The following NAA40 variants were observed in gnomAD, a reference collection of about 807,000 sequenced individuals.
The protein encoded by NAA40 is N-alpha-acetyltransferase 40.
NAA40 carries 26 observed loss-of-function variants against 36.6 expected under a neutral mutation model. That is an observed-to-expected ratio of 0.71 (90% confidence interval 0.52 to 0.98). NAA40 has a LOEUF of 0.98. Ranked by LOEUF, NAA40 falls within the 50% of genes least tolerant of loss-of-function variation. NAA40 has a pLI of 0.00. For synonymous variants in NAA40, 129 were observed against 108.4 expected (o/e 1.19, Z -1.18); for missense variants, 237 against 306.5 (o/e 0.77, Z 1.69).
rs186235727 is a variant in NAA40, at chr11:63,950,028, G to A, written c.156-2210G>A. ...CAAAGTGCTGGGATTACAGGTGTGAGCCACCGTGCCCAGCCAAACTTGGAA... is the reference window on the plus strand; with the variant it reads ...CAAAGTGCTGGGATTACAGGTGTGAACCACCGTGCCCAGCCAAACTTGGAA... On this transcript the variant is annotated intron_variant, in intron 3 of 7. Coordinates refer to ENST00000377793, the MANE Select transcript of NAA40 (RefSeq NM_024771.4). 1.6e-4 allele frequency among the ~76,000 whole-genome samples: 24 copies of A among 152,012 alleles called. No individual in the cohort carries two copies. The East Asian group carries it at 4.6e-3, about 29-fold the overall frequency.
chr11:63,949,565 T>A (rs903443064), intron 3 of NAA40, among the ~76,000 whole-genome samples: 1 of 152,072 alleles, frequency 6.6e-6, no homozygotes, highest in Non-Finnish European at 1.5e-5. Flanking sequence ...TTACCTGAGA[T>A]GCTGTTGATG....
intron 3 of NAA40, 133 bp downstream of exon 3, chr11:63,947,136 G>A (rs773324042): frequency 4.3e-6 from 4 of 935,392 alleles, no homozygotes; most frequent in Admixed American, 3.9e-5. Flanking sequence ...GCTGGGTGCG[G>A]TGGCTCACGC....
chr11:63,948,232 G>A (rs779877432), intron 3 of NAA40, among the ~76,000 whole-genome samples: 4 of 152,274 alleles, frequency 2.6e-5, no homozygotes, highest in Non-Finnish European at 5.9e-5. Context: ...TATCTAGGCT[G>A]ACACTCACAT....
At chr11:63,939,325 G>A in intron 1 of NAA40, 3 of 1,252,262 alleles carry the variant, frequency 2.4e-6, no homozygotes, top group Non-Finnish European at 3.0e-6. Context: ...CCCCCTCGGC[G>A]CCCCCAGCGT....
At chr11:63,945,120 G>A (rs1226705285) in intron 1 of NAA40, among the ~76,000 whole-genome samples, 2 of 152,200 alleles carry the variant, frequency 1.3e-5, no homozygotes, top group African/African-American at 4.8e-5. Context: ...ATCCCCACTT[G>A]CTGCTCCTCT....
In NAA40 at chr11:63,954,618, A is replaced by T; in HGVS notation, c.*139A>T. On this transcript the variant is annotated 3_prime_UTR_variant, in exon 8 of 8. Coordinates refer to ENST00000377793, the MANE Select transcript of NAA40 (RefSeq NM_024771.4). ...CCAGGCTGCGCCCTGAGAGCACAGA[A>T]CCCTGGGGAGAAGTGGTATCAGCTG... is the stretch of plus-strand genomic sequence containing the variant. 1.1e-6 allele frequency: 1 copy of T among 927,718 alleles called. No individual in the cohort carries two copies. The highest frequency in any genetic ancestry group is 1.5e-6 in the Non-Finnish European group (1 of 661,748). 57.5% of individuals were successfully genotyped at this position (927,718 alleles called of 1,614,324 possible).
chr11:63,953,332 A>G (rs886486539), intron 6 of NAA40, among the ~76,000 whole-genome samples: 4 of 152,158 alleles, frequency 2.6e-5, no homozygotes, highest in Non-Finnish European at 5.9e-5. Context: ...GGCATGAGCC[A>G]CCACACCTGG....
At chr11:63,940,235 G>C (rs945077148) in intron 1 of NAA40, among the ~76,000 whole-genome samples, 6 of 152,010 alleles carry the variant, frequency 3.9e-5, no homozygotes, top group Non-Finnish European at 5.9e-5. Context: ...ATTTTTAGTA[G>C]AGACAGGGTT....
Position 63,954,411 on chromosome 11 carries a change from CGG to C in NAA40, c.647_648del (p.Arg216GlnfsTer82). On this transcript the variant is annotated frameshift_variant, in exon 8 of 8. Coordinates refer to ENST00000377793, the MANE Select transcript of NAA40 (RefSeq NM_024771.4). LOFTEE classifies it high-confidence loss of function. Reference protein sequence around the residue: ...GEDCSYEILSRRTKFGDSHHS... With the variant: ...GEDCSYEILSXRTKFGDSHHS... ...GGATTGCTCCTATGAGATCCTGAGC[CGG>C]AGGACCAAGTTTGGGGACAGCCATC... 1 of 1,612,488 alleles carries C rather than the reference CGG, an allele frequency of 6.2e-7. No individual in the cohort carries two copies. The highest frequency in any genetic ancestry group is 8.5e-7 in the Non-Finnish European group (1 of 1,179,216).
At chr11:63,946,224 GAGAC>G (rs1473990230) in intron 2 of NAA40, 6 of 385,190 alleles carry the variant, frequency 1.6e-5, no homozygotes, top group Non-Finnish European at 2.4e-5. Context: ...TCTTTTGTGT[GAGAC>G]AGGGTCTCAC....
intron 1 of NAA40, among the ~76,000 whole-genome samples, chr11:63,944,902 C>CA (rs113133922): frequency 0.87 from 109,384 of 126,060 alleles, 48,508 homozygotes; most frequent in Non-Finnish European, 0.95. Context: ...GACTCCATCT[C>CA]AAAAAAAAAA....
At position 63,956,447 on chromosome 11, in the gene NAA40, A is replaced by G. The variant is rs1032072639; in HGVS notation, c.*1968A>G. On this transcript the variant is annotated 3_prime_UTR_variant, in exon 8 of 8. Transcript: ENST00000377793. ...ATCCCTTGTAAGGTGAGTTCAGTCTACGTTGTCTCTTTCCAGTCACTGGAT... is the reference window on the plus strand; with the variant it reads ...ATCCCTTGTAAGGTGAGTTCAGTCTGCGTTGTCTCTTTCCAGTCACTGGAT... 5 of 152,464 alleles carry G rather than the reference A, an allele frequency of 3.3e-5. No homozygotes were observed. Among genetic ancestry groups the G allele is most frequent in the African/African-American group, 9.6e-5 (4 of 41,456 alleles). 9.4% of individuals were successfully genotyped at this position (152,464 alleles called of 1,614,324 possible).
chr11:63,947,063 T>C lies in NAA40; in HGVS notation c.155+60T>C, dbSNP rs1590753771. The C allele has an allele frequency of 4.6e-6, 7 of 1,507,362 alleles. No individual in the cohort carries two copies. The East Asian group carries it at 1.6e-4, about 34-fold the overall frequency. The allele number at this position is 1,507,362 out of a possible 1,614,324, so 93.4% of individuals were successfully genotyped here. A position where few individuals can be genotyped will look rare whatever the true frequency, so the allele number is the denominator to read the frequency against. On this transcript the variant is annotated intron_variant, in intron 3 of 7. Coordinates refer to ENST00000377793, the MANE Select transcript of NAA40 (RefSeq NM_024771.4). ...CTCGAGTGTCTTCAGGAATTCCCTT[T>C]CCAGAGTAGGCTTCCTCAGACACAA...
chr11:63,954,614 C>T lies in NAA40; in HGVS notation c.*135C>T, dbSNP rs570112789. ...CGTGCCAGGCTGCGCCCTGAGAGCA[C>T]AGAACCCTGGGGAGAAGTGGTATCA... On this transcript the variant is annotated 3_prime_UTR_variant, in exon 8 of 8. Coordinates refer to ENST00000377793, the MANE Select transcript of NAA40 (RefSeq NM_024771.4). The T allele has an allele frequency of 4.0e-6, 4 of 1,001,482 alleles. No homozygotes were observed. The highest frequency in any genetic ancestry group is 5.8e-5 in the East Asian group (2 of 34,350). 62.0% of individuals were successfully genotyped at this position (1,001,482 alleles called of 1,614,324 possible).
At chr11:63,939,231 C>T (rs1293065584) in intron 1 of NAA40, 129 bp downstream of exon 1, 19 of 1,269,472 alleles carry the variant, frequency 1.5e-5, no homozygotes, top group East Asian at 7.0e-5. Context: ...CTGACCCCCA[C>T]ATGACCCGAC....
intron 1 of NAA40, among the ~76,000 whole-genome samples, chr11:63,942,369 G>T (rs1441814044): frequency 2.6e-5 from 4 of 152,190 alleles, no homozygotes; most frequent in Admixed American, 2.6e-4. Flanking sequence ...GTAAACAGAA[G>T]TCCCCTCCTG....
chr11:63,943,929 G>A (rs1942145991), intron 1 of NAA40, among the ~76,000 whole-genome samples: 1 of 152,224 alleles, frequency 6.6e-6, no homozygotes, highest in Non-Finnish European at 1.5e-5. Flanking sequence ...GTAGAGGGAG[G>A]CTAGTTCTGT....
At chr11:63,946,609 GT>G (rs1275095284) in intron 2 of NAA40, 1 of 1,281,608 alleles carries the variant, frequency 7.8e-7, no homozygotes, top group East Asian at 3.9e-5. Context: ...TCCATTTGGA[GT>G]TGTAACCAGG....
intron 1 of NAA40, chr11:63,939,576 G>A: frequency 2.6e-6 from 2 of 777,926 alleles, no homozygotes; most frequent in Non-Finnish European, 3.1e-6. Flanking sequence ...TGGGCCTCCC[G>A]AATCCCAGTC....
Sources: gnomAD v4.1 joint callset for allele counts (sites outside exome capture counted in the v4.1 genomes callset) on GRCh38, gnomAD v4.1.1 for gene constraint, MANE v1.5 for transcripts, NCBI Gene and HGNC (gene_info 2026-07-23, HGNC 2026-07-21) for gene names.